SLC5A5: variants seen among roughly 807,000 people sequenced by gnomAD.
SLC5A5 encodes the protein sodium/iodide cotransporter.
A neutral mutation model predicts 68.6 loss-of-function variants in SLC5A5; 56 were observed. The observed-to-expected ratio is 0.82, with a 90% CI of 0.66 to 1.02. The LOEUF (loss-of-function observed/expected upper bound fraction) is 1.02. Ranked by LOEUF, SLC5A5 falls within the 50% of genes least tolerant of loss-of-function variation. SLC5A5 has a pLI of 0.00. For synonymous variants in SLC5A5, 398 were observed against 373.0 expected (o/e 1.07, Z -0.77); for missense variants, 807 against 859.8 (o/e 0.94, Z 0.77).
chr19:17,888,779 T>C (rs1274575127), intron 13 of SLC5A5, among the ~76,000 whole-genome samples: 2 of 151,556 alleles, frequency 1.3e-5, no homozygotes, highest in East Asian at 3.9e-4. Flanking sequence ...ATTACAAGTG[T>C]GTGCCGCCAT....
At position 17,875,884 on chromosome 19, in the gene SLC5A5, C is replaced by G. The variant is rs2094305682; in HGVS notation, c.544-68C>G. ...ACTGAGGCATAGAAGGGCATCAGTCCTAGGCACCACTGAAGGCCAGGTCCC... is the reference window on the plus strand; with the variant it reads ...ACTGAGGCATAGAAGGGCATCAGTCGTAGGCACCACTGAAGGCCAGGTCCC... On this transcript the variant is annotated intron_variant, in intron 4 of 14. Transcript: ENST00000222248. 4 of 1,507,708 alleles carry G rather than the reference C, an allele frequency of 2.7e-6. No homozygotes were observed. In the Admixed American group the frequency reaches 6.7e-5, roughly 25 times the overall value. The allele number at this position is 1,507,708 out of a possible 1,614,324, so 93.4% of individuals were successfully genotyped here.
chr19:17,880,305 C>T, intron 7 of SLC5A5, among the ~76,000 whole-genome samples: 1 of 151,422 alleles, frequency 6.6e-6, no homozygotes, highest in Non-Finnish European at 1.5e-5. Context: ...ACCTCTACCT[C>T]TCAGATTCAG....
intron 1 of SLC5A5, among the ~76,000 whole-genome samples, chr19:17,873,581 C>T (rs550741650): frequency 6.6e-6 from 1 of 152,150 alleles, no homozygotes; most frequent in East Asian, 1.9e-4. Flanking sequence ...CATGGTGAAA[C>T]CCCGTCTTTA....
chr19:17,876,469 T>C (rs968659850), intron 5 of SLC5A5, among the ~76,000 whole-genome samples: 1 of 150,576 alleles, frequency 6.6e-6, no homozygotes, highest in Admixed American at 6.6e-5. Context: ...GGTTCATGCC[T>C]GTAATCCCAG....
intron 1 of SLC5A5, 82 bp downstream of exon 1, chr19:17,872,758 G>T: frequency 1.1e-6 from 1 of 923,462 alleles, no homozygotes; most frequent in African/African-American, 1.6e-5. Flanking sequence ...GGGGCTTTGG[G>T]CCGCTGTACA....
chr19:17,893,590 T>C, intron 14 of SLC5A5, 123 bp from the exon 15 acceptor site: 1 of 926,322 alleles, frequency 1.1e-6, no homozygotes, highest in Middle Eastern at 3.2e-4. Flanking sequence ...AAGGGGATAG[T>C]ATGCAATTCT....
At chr19:17,892,290 T>G (rs1326677059) in intron 14 of SLC5A5, among the ~76,000 whole-genome samples, 1 of 150,198 alleles carries the variant, frequency 6.7e-6, no homozygotes, top group Non-Finnish European at 1.5e-5. Flanking sequence ...AGAGCAAGAC[T>G]TCGTCAAAAA....
chr19:17,893,002 C>CT (rs72280707), intron 14 of SLC5A5, among the ~76,000 whole-genome samples: 3 of 147,782 alleles, frequency 2.0e-5, no homozygotes, highest in Non-Finnish European at 3.0e-5. Context: ...CTCTTCTTTT[C>CT]TTTTTTTTCT....
rs530261714 is a variant in SLC5A5 at position 17,876,962 on chromosome 19, C to T, written c.699-761C>T. 4.6e-3 allele frequency among the ~76,000 whole-genome samples: 690 copies of T among 150,394 alleles called. 3 individuals are homozygous for T. The highest frequency in any genetic ancestry group is 0.014 in the African/African-American group (577 of 40,906). ...AGGAGAATCGCTTGAACCCAGGAGG[C>T]GGAGGCTGCGGTGAGCCGAGATCAC... is the stretch of plus-strand genomic sequence containing the variant. On this transcript the variant is annotated intron_variant, in intron 5 of 14. Transcript: ENST00000222248.
intron 11 of SLC5A5, 39 bp downstream of exon 11, chr19:17,883,806 C>A: frequency 1.9e-6 from 3 of 1,604,800 alleles, no homozygotes; most frequent in Non-Finnish European, 2.6e-6. Flanking sequence ...AGGGGCGGGG[C>A]CGGACAGGCC....
Position 17,880,861 on chromosome 19 carries a change from C to T in SLC5A5, c.970-4C>T. The T allele has an allele frequency of 6.2e-7, 1 of 1,612,392 alleles. No homozygotes were observed. The highest frequency in any genetic ancestry group is 8.5e-7 in the Non-Finnish European group (1 of 1,179,084). Reference sequence around the variant, plus strand: ...CTGGGAGGCTGACCCCCAGTTCTCCCCAGTACATGCCTCTGCTGGTGCTGG... The same window carrying T: ...CTGGGAGGCTGACCCCCAGTTCTCCTCAGTACATGCCTCTGCTGGTGCTGG... On this transcript the variant is annotated splice_polypyrimidine_tract_variant and splice_region_variant and intron_variant, in intron 7 of 14. Coordinates refer to ENST00000222248, the MANE Select transcript of SLC5A5 (RefSeq NM_000453.3).
intron 5 of SLC5A5, 65 bp downstream of exon 5, chr19:17,876,171 T>G (rs527831708): frequency 2.6e-6 from 4 of 1,560,086 alleles, no homozygotes; most frequent in South Asian, 2.2e-5. Flanking sequence ...GGCTCATGCC[T>G]GTAATCCCAG....
At position 17,883,831 on chromosome 19, in the gene SLC5A5, A is replaced by G. The variant is rs2094326939; in HGVS notation, c.1330-19A>G. 2.5e-6 allele frequency: 4 copies of G among 1,604,490 alleles called. No homozygotes were observed. The highest frequency in any genetic ancestry group is 2.2e-5 in the South Asian group (2 of 90,508). ...CCGGACAGGCCCCTCCCCTTCCCTG[A>G]CGCCGGCTCTGCCCCCAGGGCGTCC... On this transcript the variant is annotated intron_variant, in intron 11 of 14. Coordinates refer to ENST00000222248, the MANE Select transcript of SLC5A5 (RefSeq NM_000453.3).
chr19:17,876,087 T>A lies in SLC5A5; in HGVS notation c.679T>A (p.Ser227Thr). 1 of 1,614,072 alleles carries A rather than the reference T, an allele frequency of 6.2e-7. No homozygotes were observed. Among genetic ancestry groups the A allele is most frequent in the Non-Finnish European group, 8.5e-7 (1 of 1,179,990 alleles). ...GGTGCTCACGCTGGCCCAGAACCAC[T>A]CCCGGATCAACCTCATGGAGTGAGT... is the stretch of plus-strand genomic sequence containing the variant. ...RQVLTLAQNH[S>T]RINLMDFNPD... Residue 227 changes from serine to threonine, a missense_variant, in exon 5 of 15, where the codon TCC becomes ACC. Transcript: ENST00000222248.
intron 10 of SLC5A5, 60 bp downstream of exon 10, chr19:17,882,279 T>C: frequency 7.3e-7 from 1 of 1,361,808 alleles, no homozygotes; most frequent in Non-Finnish European, 1.0e-6. Context: ...CTTTCCCTCT[T>C]TCCCATTAAA....
In SLC5A5 at chr19:17,894,017, C is replaced by G; in HGVS notation, c.*140C>G. 1.2e-6 allele frequency: 1 copy of G among 840,536 alleles called. No individual in the cohort carries two copies. Among genetic ancestry groups the G allele is most frequent in the Non-Finnish European group, 1.9e-6 (1 of 523,124 alleles). The allele number at this position is 840,536 out of a possible 1,614,324, so 52.1% of individuals were successfully genotyped here. On this transcript the variant is annotated 3_prime_UTR_variant, in exon 15 of 15. Coordinates refer to ENST00000222248, the MANE Select transcript of SLC5A5 (RefSeq NM_000453.3). ...TGAGTTCAGGACTACAATACCCTAC[C>G]CTATGGGGAGGCCCTGCCTCCGGGA... is the stretch of plus-strand genomic sequence containing the variant.
At chr19:17,888,246 G>A in intron 12 of SLC5A5, 85 bp from the exon 13 acceptor site, 1 of 1,544,490 alleles carries the variant, frequency 6.5e-7, no homozygotes, top group East Asian at 2.3e-5. Flanking sequence ...TTGGGGGAAG[G>A]AAGCAGGGGG....
chr19:17,884,026 C>T lies in SLC5A5; in HGVS notation c.1506C>T (p.Asn502=), dbSNP rs757216908. The T allele has an allele frequency of 1.9e-6, 3 of 1,570,152 alleles. No individual in the cohort carries two copies. The highest frequency in any genetic ancestry group is 2.3e-5 in the East Asian group (1 of 43,096). The part of the protein sequence containing the change: ...GLLDPALLPA[N]DSSRAPSSGM... ...TGGACCCGGCTCTCCTCCCTGCTAA[C>T]GACTCCAGCAGGGCCCCCAGGTGAG... The change falls in exon 12 of 15, where the codon AAC becomes AAT. Residue 502 remains asparagine, a synonymous_variant. Coordinates refer to ENST00000222248, the MANE Select transcript of SLC5A5 (RefSeq NM_000453.3).
rs1011992485 is a variant in SLC5A5, at chr19:17,894,133, TTC to T, written c.*266_*267del. ...GCTCCCCCCAAATAAGGCTGGGTTTTTCTCTCTCTCTTTTTTTTTTTTTTTTT... is the reference window on the plus strand; with the variant it reads ...GCTCCCCCCAAATAAGGCTGGGTTTTTCTCTCTCTTTTTTTTTTTTTTTTT... On this transcript the variant is annotated 3_prime_UTR_variant, in exon 15 of 15. Coordinates refer to ENST00000222248, the MANE Select transcript of SLC5A5 (RefSeq NM_000453.3). 7 of 481,178 alleles carry T rather than the reference TTC, an allele frequency of 1.5e-5. No homozygotes were observed. The highest frequency in any genetic ancestry group is 4.1e-5 in the African/African-American group (2 of 48,660). The allele number at this position is 481,178 out of a possible 1,614,324, so 29.8% of individuals were successfully genotyped here.
Sources: allele counts gnomAD v4.1 joint callset (sites outside exome capture counted in the v4.1 genomes callset), GRCh38; gene constraint gnomAD v4.1.1; transcripts MANE v1.5; gene names NCBI Gene and HGNC (gene_info 2026-07-23, HGNC 2026-07-21).